Variants in SRBD1 observed in about 807,000 individuals in gnomAD.
SRBD1 encodes the protein S1 RNA-binding domain-containing protein 1.
A neutral mutation model predicts 115.3 loss-of-function variants in SRBD1; 88 were observed. That is an observed-to-expected ratio of 0.76 (90% CI 0.64 to 0.91). The LOEUF is 0.91. Ranked by LOEUF, SRBD1 falls within the 40% of genes least tolerant of loss-of-function variation. The pLI is 0.00. For synonymous variants in SRBD1, 509 were observed against 407.7 expected (o/e 1.25, Z -2.99); for missense variants, 1,385 against 1,177.4 (o/e 1.18, Z -2.58).
chr2:45,573,185 C>T, intron 9 of SRBD1, 22 bp downstream of exon 9: 1 of 1,580,030 alleles, frequency 6.3e-7, no homozygotes, highest in Non-Finnish European at 8.6e-7. Context: ...AATCAGCATG[C>T]ACATGCAGTT....
chr2:45,439,873 A>C (rs1356640548), intron 16 of SRBD1, among the ~76,000 whole-genome samples: 1 of 152,092 alleles, frequency 6.6e-6, no homozygotes, highest in East Asian at 1.9e-4. Flanking sequence ...AGAAGACAAC[A>C]GCAGTGCCCT....
intron 14 of SRBD1, 55 bp downstream of exon 14, chr2:45,546,677 C>G (rs2276657): frequency 0.51 from 784,600 of 1,536,904 alleles, 204,597 homozygotes; most frequent in African/African-American, 0.56. Context: ...ATCACAAAAG[C>G]AACTTTAAAG....
At chr2:45,566,492 G>C (rs1449464190) in intron 9 of SRBD1, among the ~76,000 whole-genome samples, 1 of 152,166 alleles carries the variant, frequency 6.6e-6, no homozygotes, top group Non-Finnish European at 1.5e-5. Flanking sequence ...TATATGAAAT[G>C]ACCAGAACAG....
rs528608014 is a variant in SRBD1 at position 45,503,598 on chromosome 2, A to G, written c.1875-15267T>C. ...TCACATACCAATTCATCCCTTTCTT[A>G]GTTGAAAATCTATTGTACTTCAAAT... is the stretch of plus-strand genomic sequence containing the variant. On this transcript the variant is annotated intron_variant, in intron 14 of 20. Transcript: ENST00000263736. Among the ~76,000 whole-genome samples the G allele has an allele frequency of 2.5e-3, 376 of 152,274 alleles. 4 individuals carry two copies. The highest frequency in any genetic ancestry group is 3.4e-3 in the Non-Finnish European group (228 of 68,016).
intron 16 of SRBD1, among the ~76,000 whole-genome samples, chr2:45,439,321 A>T: frequency 6.6e-6 from 1 of 151,714 alleles, no homozygotes; most frequent in East Asian, 1.9e-4. Flanking sequence ...TAAAAGACAT[A>T]AAACCAGAAA....
intron 14 of SRBD1, among the ~76,000 whole-genome samples, chr2:45,520,587 A>G (rs992059442): frequency 1.3e-5 from 2 of 152,216 alleles, no homozygotes; most frequent in African/African-American, 4.8e-5. Flanking sequence ...TTGGCCCACC[A>G]TGCCTTCCTA....
chr2:45,557,186 G>C (rs1435513613), intron 10 of SRBD1, among the ~76,000 whole-genome samples: 1 of 152,196 alleles, frequency 6.6e-6, no homozygotes, highest in Non-Finnish European at 1.5e-5. Context: ...GGTAGAAAAT[G>C]TGGCAGTGGC....
chr2:45,524,869 A>G (rs1455315312), intron 14 of SRBD1, among the ~76,000 whole-genome samples: 1 of 152,042 alleles, frequency 6.6e-6, no homozygotes, highest in African/African-American at 2.4e-5. Flanking sequence ...TAGAAGACTC[A>G]TATTTTCCAA....
At chr2:45,560,086 A>G (rs1448529021) in intron 10 of SRBD1, among the ~76,000 whole-genome samples, 2 of 152,154 alleles carry the variant, frequency 1.3e-5, no homozygotes, top group Admixed American at 1.3e-4. Context: ...CCCTGTCTCA[A>G]AAAAGAAAAG....
intron 10 of SRBD1, among the ~76,000 whole-genome samples, chr2:45,560,536 G>A (rs536174728): frequency 5.0e-4 from 76 of 152,276 alleles, no homozygotes; most frequent in Middle Eastern, 3.4e-3. Context: ...AAATCTACAA[G>A]TAAAGTATTA....
intron 10 of SRBD1, among the ~76,000 whole-genome samples, chr2:45,555,770 G>T (rs561113123): frequency 6.6e-6 from 1 of 152,218 alleles, no homozygotes; most frequent in African/African-American, 2.4e-5. Context: ...GGGATTGCAG[G>T]CGTGAGCTAC....
At chr2:45,439,922 G>A (rs905557864) in intron 16 of SRBD1, among the ~76,000 whole-genome samples, 3 of 152,158 alleles carry the variant, frequency 2.0e-5, no homozygotes, top group Non-Finnish European at 2.9e-5. Context: ...AGTGGCCGGG[G>A]TGCAAAATAT....
Position 45,571,529 on chromosome 2 carries a change from A to AAAACAAAAC in SRBD1, c.1305+1677_1305+1678insGTTTTGTTT, listed in dbSNP as rs1349369530. Among the ~76,000 whole-genome samples, 398 of 149,014 alleles carry AAAACAAAAC rather than the reference A, an allele frequency of 2.7e-3. 8 individuals carry two copies. Among genetic ancestry groups the AAAACAAAAC allele is most frequent in the African/African-American group, 9.3e-3 (379 of 40,680 alleles). ...ATCCAGACTTTACCAAAAAAAAAAA[A>AAAACAAAAC]AAAAAAAAAAAAACTGTCCATGAGG... On this transcript the variant is annotated intron_variant, in intron 9 of 20. Transcript: ENST00000263736.
intron 2 of SRBD1, 46 bp from the exon 3 acceptor site, chr2:45,602,129 A>G: frequency 6.4e-7 from 1 of 1,564,026 alleles, no homozygotes; most frequent in African/African-American, 1.4e-5. Context: ...ATAAAAGCAA[A>G]TGTCAAAGGT....
chr2:45,562,808 A>T (rs750677422), intron 9 of SRBD1, 52 bp from the exon 10 acceptor site: 2 of 1,237,420 alleles, frequency 1.6e-6, no homozygotes, highest in Admixed American at 4.7e-5. Context: ...ATATGAAACA[A>T]ATCAGGCGAC....
At chr2:45,608,356 A>C (rs945653222) in intron 1 of SRBD1, among the ~76,000 whole-genome samples, 2 of 152,228 alleles carry the variant, frequency 1.3e-5, no homozygotes, top group African/African-American at 4.8e-5. Flanking sequence ...AATTTCAAGC[A>C]GATCAGATTT....
chr2:45,542,407 G>C (rs1671972996), intron 14 of SRBD1, among the ~76,000 whole-genome samples: 1 of 152,200 alleles, frequency 6.6e-6, no homozygotes, highest in Non-Finnish European at 1.5e-5. Context: ...GCTGTAGCTG[G>C]GCAGCTGCAA....
At chr2:45,569,118 T>C (rs186290552) in intron 9 of SRBD1, 21 of 152,380 alleles carry the variant, frequency 1.4e-4, no homozygotes, top group Admixed American at 1.1e-3. Flanking sequence ...TTCACACTCT[T>C]CATGTCTTGT....
chr2:45,582,587 G>T (rs928741011), intron 5 of SRBD1, among the ~76,000 whole-genome samples: 3 of 151,968 alleles, frequency 2.0e-5, no homozygotes, highest in African/African-American at 7.3e-5. Context: ...AGATTTAATG[G>T]TTTTTTATTT....
Sources: gnomAD v4.1 joint callset for allele counts (sites outside exome capture counted in the v4.1 genomes callset) on GRCh38, gnomAD v4.1.1 for gene constraint, MANE v1.5 for transcripts, NCBI Gene and HGNC (gene_info 2026-07-23, HGNC 2026-07-21) for gene names.